The following POLR1D variants were observed in gnomAD, a reference collection of about 807,000 sequenced individuals.
POLR1D encodes the protein RNA polymerase I and III subunit D.
Under a neutral mutation model 10.8 loss-of-function variants are expected in POLR1D, and 8 were observed. The observed-to-expected ratio is 0.74, with a 90% confidence interval of 0.43 to 1.33. The LOEUF (loss-of-function observed/expected upper bound fraction) is 1.33, where lower values mean the gene tolerates loss of function less well. POLR1D is among the 40% of genes most tolerant of loss of function. The pLI is 0.01. For synonymous variants in POLR1D, 54 were observed against 57.2 expected, an observed-to-expected ratio of 0.94 and a Z score of 0.25; for missense variants, 152 against 161.7, an observed-to-expected ratio of 0.94 and a Z score of 0.32.
chr13:27,622,070 G>A (rs1955940291), intron 1 of POLR1D, 61 bp downstream of exon 1: 4 of 1,464,518 alleles, frequency 2.7e-6, no homozygotes, highest in East Asian at 2.4e-5. Context: ...GGTGGCCGAG[G>A]GGCACGCTGC....
intron 1 of POLR1D, among the ~76,000 whole-genome samples, chr13:27,642,062 C>A (rs998267906): frequency 1.3e-5 from 2 of 152,120 alleles, no homozygotes; most frequent in Non-Finnish European, 2.9e-5. Flanking sequence ...GCGCTGTCAT[C>A]TCAAAACACA....
intron 2 of POLR1D, among the ~76,000 whole-genome samples, chr13:27,662,206 A>G (rs1315608439): frequency 6.6e-6 from 1 of 152,140 alleles, no homozygotes; most frequent in East Asian, 1.9e-4. Flanking sequence ...GTATTAGCCT[A>G]TTTGAGAGCT....
At chr13:27,665,514 T>G in intron 2 of POLR1D, 1 of 638,748 alleles carries the variant, frequency 1.6e-6, no homozygotes, top group Non-Finnish European at 2.8e-6. Context: ...GTCTTTTTTT[T>G]TCCTCCCTGG....
At chr13:27,639,159 T>C (rs900866320) in intron 1 of POLR1D, among the ~76,000 whole-genome samples, 4 of 152,208 alleles carry the variant, frequency 2.6e-5, no homozygotes, top group Non-Finnish European at 5.9e-5. Context: ...AAATCCCTTT[T>C]TCTTTTGCAG....
intron 1 of POLR1D, among the ~76,000 whole-genome samples, chr13:27,628,936 C>T (rs1377029895): frequency 6.6e-6 from 1 of 152,214 alleles, no homozygotes; most frequent in Non-Finnish European, 1.5e-5. Flanking sequence ...CTACCTCAGC[C>T]TCCTGAGCAG....
intron 1 of POLR1D, among the ~76,000 whole-genome samples, chr13:27,647,763 TAAC>T (rs1474717486): frequency 6.6e-6 from 1 of 152,214 alleles, no homozygotes; most frequent in East Asian, 1.9e-4. Flanking sequence ...CTTTAATTGT[TAAC>T]AAGTAGTTTG....
intron 2 of POLR1D, chr13:27,665,477 G>GTC (rs1956406547): frequency 1.7e-6 from 1 of 594,138 alleles, no homozygotes; most frequent in Non-Finnish European, 3.0e-6. Flanking sequence ...AAGTGTTCCA[G>GTC]CCAGTCTTGT....
intron 2 of POLR1D, among the ~76,000 whole-genome samples, chr13:27,654,428 T>C (rs917260148): frequency 6.6e-6 from 1 of 152,212 alleles, no homozygotes; most frequent in African/African-American, 2.4e-5. Context: ...ACCAATCTCA[T>C]CAGATCAGTC....
Position 27,663,850 on chromosome 13 carries a change from T to C in POLR1D, c.102-1836T>C, listed in dbSNP as rs1956389372. On this transcript the variant is annotated intron_variant, in intron 2 of 2. Transcript: ENST00000399697. This position sits in a 1 kb window ranked among gnomAD's most constrained non-coding sequence, Gnocchi z 4.1. ...TTCACCAGCTACTCCTAGCCCTATA[T>C]ATCCAAGAGACATATGTAGTTCATT... Among the ~76,000 whole-genome samples the C allele has an allele frequency of 6.6e-6, 1 of 152,214 alleles. No homozygotes were observed. The highest frequency in any genetic ancestry group is 1.5e-5 in the Non-Finnish European group (1 of 68,044).
At chr13:27,631,627 T>C (rs1456348019) in intron 1 of POLR1D, among the ~76,000 whole-genome samples, 2 of 152,228 alleles carry the variant, frequency 1.3e-5, no homozygotes, top group African/African-American at 4.8e-5. Flanking sequence ...CATTGTCAAC[T>C]GACATTATAT....
downstream of POLR1D, among the ~76,000 whole-genome samples, chr13:27,624,128 TTATC>T (rs1251360037): frequency 1.3e-5 from 2 of 152,138 alleles, no homozygotes; most frequent in Admixed American, 6.5e-5. Flanking sequence ...GGGCCCTTGT[TTATC>T]TATCCCCTCT....
chr13:27,630,736 A>T (rs1383427923), intron 1 of POLR1D, among the ~76,000 whole-genome samples: 1 of 152,206 alleles, frequency 6.6e-6, no homozygotes, highest in African/African-American at 2.4e-5. Context: ...AAATACTCAA[A>T]CATTAGCTAT....
chr13:27,627,688 T>C (rs1956027871), downstream of POLR1D, among the ~76,000 whole-genome samples: 1 of 151,356 alleles, frequency 6.6e-6, no homozygotes, highest in Non-Finnish European at 1.5e-5. Flanking sequence ...GTAAGAGAGC[T>C]GTTAAAGATT....
chr13:27,621,813 CCGCCCCGCGGCTGGGCCCTGCCG>C (rs1212134455), upstream of POLR1D: 2 of 643,024 alleles, frequency 3.1e-6, no homozygotes, highest in East Asian at 6.1e-5. Context: ...GCCTCATGCC[CCGCCCCGCGGCTGGGCCCTGCCG>C]CGCCGCTGCG....
At chr13:27,652,637 G>A (rs924612532) in intron 2 of POLR1D, among the ~76,000 whole-genome samples, 19 of 104,162 alleles carry the variant, frequency 1.8e-4, no homozygotes, top group African/African-American at 5.5e-4. Flanking sequence ...TTGGGAGGCC[G>A]AGGTGGGCGG....
chr13:27,632,295 T>G (rs1956081649), intron 1 of POLR1D, among the ~76,000 whole-genome samples: 1 of 152,192 alleles, frequency 6.6e-6, no homozygotes, highest in South Asian at 2.1e-4. Context: ...GTGGTAGGAT[T>G]GTAGTTTTGA....
chr13:27,626,876 C>T (rs960996074), downstream of POLR1D, among the ~76,000 whole-genome samples: 1 of 152,168 alleles, frequency 6.6e-6, no homozygotes, highest in Non-Finnish European at 1.5e-5. Context: ...TGGCATAATG[C>T]ACAGGTTCAC....
At chr13:27,639,507 C>T (rs892127487) in intron 1 of POLR1D, among the ~76,000 whole-genome samples, 1 of 152,154 alleles carries the variant, frequency 6.6e-6, no homozygotes, top group Non-Finnish European at 1.5e-5. Context: ...TACCATAGCA[C>T]ATTTACTCAG....
At chr13:27,629,888 G>T (rs1956055872) in intron 1 of POLR1D, among the ~76,000 whole-genome samples, 1 of 152,052 alleles carries the variant, frequency 6.6e-6, no homozygotes, top group South Asian at 2.1e-4. Context: ...TGTAAAAACT[G>T]CATTAAAAAG....
Sources: gnomAD v4.1 joint callset for allele counts (sites outside exome capture counted in the v4.1 genomes callset) on GRCh38, gnomAD v4.1.1 for gene constraint, Gnocchi (gnomAD v3.1) non-coding constraint, MANE v1.5 for transcripts, NCBI Gene and HGNC (gene_info 2026-07-23, HGNC 2026-07-21) for gene names.